The following LRRC37A variants were observed in gnomAD, a reference collection of about 807,000 sequenced individuals.
The protein encoded by LRRC37A is leucine-rich repeat-containing protein 37A.
LRRC37A carries 3 observed loss-of-function variants against 35.4 expected under a neutral mutation model. That is an observed-to-expected ratio of 0.08 (90% confidence interval 0.04 to 0.22). The LOEUF is 0.22. Ranked by LOEUF, LRRC37A falls within the 10% of genes least tolerant of loss-of-function variation. The pLI, the probability that LRRC37A is intolerant of heterozygous loss-of-function variation, is 1.00. For synonymous variants in LRRC37A, 23 were observed against 215.0 expected (o/e 0.11, Z 7.81); for missense variants, 67 against 565.3 (o/e 0.12, Z 8.94).
At chr17:46,260,104 C>T in the LRRC37A span, 17 of 1,569,122 alleles carry the variant, frequency 1.1e-5, no homozygotes, top group African/African-American at 1.4e-5. Flanking sequence ...GGGCAGCAGC[C>T]GCGCCTCCTG....
At chr17:46,262,940 T>C in the LRRC37A span, among the ~76,000 whole-genome samples, 1 of 152,114 alleles carries the variant, frequency 6.6e-6, no homozygotes, top group Non-Finnish European at 1.5e-5. Context: ...AATCCGGGTG[T>C]GGTAGTTTAT....
chr17:46,290,222 TG>T (rs113784248), upstream of LRRC37A, among the ~76,000 whole-genome samples: 19,878 of 151,400 alleles, frequency 0.13, 390 homozygotes, highest in Non-Finnish European at 0.2. Context: ...GTCGACCTCC[TG>T]GGGTCAAGCA....
the LRRC37A span, among the ~76,000 whole-genome samples, chr17:46,257,462 A>C: frequency 6.8e-6 from 1 of 146,790 alleles, no homozygotes; most frequent in Non-Finnish European, 1.5e-5. Context: ...CAAAAAAAAA[A>C]AAAAAAAAAA....
the LRRC37A span, among the ~76,000 whole-genome samples, chr17:46,282,049 C>T: frequency 6.6e-6 from 1 of 152,132 alleles, no homozygotes; most frequent in South Asian, 2.1e-4. Flanking sequence ...AATTCCTTTG[C>T]TGAGAATAAA....
At chr17:46,267,430 A>G in the LRRC37A span, 4 of 1,612,824 alleles carry the variant, frequency 2.5e-6, no homozygotes, top group Non-Finnish European at 3.4e-6. Flanking sequence ...CCTGTACCTC[A>G]CTCACCCCCG....
chr17:46,249,803 G>A, the LRRC37A span, among the ~76,000 whole-genome samples: 231 of 152,252 alleles, frequency 1.5e-3, no homozygotes, highest in African/African-American at 5.4e-3. Context: ...TGCAGTCAGC[G>A]CCTCTGATTG....
chr17:46,311,136 C>CA (rs61366411), intron 5 of LRRC37A: 51,920 of 178,478 alleles, frequency 0.29, 4,092 homozygotes, highest in African/African-American at 0.38. Context: ...GACTTCATCT[C>CA]AAAAAAAAAA....
the LRRC37A span, among the ~76,000 whole-genome samples, chr17:46,253,079 T>C: frequency 3.7e-5 from 5 of 136,960 alleles, 1 homozygote; most frequent in Admixed American, 1.5e-4. Flanking sequence ...GACAGGGCGG[T>C]TGCCGGGCGG....
the LRRC37A span, among the ~76,000 whole-genome samples, chr17:46,259,034 T>TTTA: frequency 8.3e-6 from 1 of 121,008 alleles, no homozygotes; most frequent in Non-Finnish European, 1.6e-5. Context: ...TTTTTTTTTT[T>TTTA]TTTTTTTTTT....
At chr17:46,269,364 T>C in the LRRC37A span, among the ~76,000 whole-genome samples, 42 of 152,286 alleles carry the variant, frequency 2.8e-4, no homozygotes, top group African/African-American at 9.9e-4. Flanking sequence ...AAAAACCCTG[T>C]CTCTACTAAA....
At chr17:46,262,783 C>A in the LRRC37A span, among the ~76,000 whole-genome samples, 2 of 137,016 alleles carry the variant, frequency 1.5e-5, no homozygotes, top group Non-Finnish European at 3.1e-5. Flanking sequence ...AAAACTCGGT[C>A]TTGGAAAAAA....
the LRRC37A span, among the ~76,000 whole-genome samples, chr17:46,286,681 G>GT: frequency 6.6e-6 from 1 of 152,250 alleles, no homozygotes; most frequent in Non-Finnish European, 1.5e-5. Flanking sequence ...AATTTGTAAT[G>GT]TAAGTGTATA....
the LRRC37A span, among the ~76,000 whole-genome samples, chr17:46,265,338 T>C: frequency 6.0e-5 from 7 of 117,288 alleles, no homozygotes; most frequent in Admixed American, 2.5e-4. Context: ...TTTTCTCCTC[T>C]TCTTCTTCTT....
chr17:46,258,687 C>T, the LRRC37A span, among the ~76,000 whole-genome samples: 7 of 146,916 alleles, frequency 4.8e-5, no homozygotes, highest in East Asian at 2.0e-4. Flanking sequence ...GCAACCTGGA[C>T]AGGATTGGAG....
the LRRC37A span, chr17:46,267,310 T>G: frequency 1.1e-5 from 15 of 1,402,974 alleles, no homozygotes; most frequent in Admixed American, 1.8e-4. Context: ...CCCAAACTGT[T>G]TTTTGGAAGC....
chr17:46,282,412 TGTTTG>T, the LRRC37A span, among the ~76,000 whole-genome samples: 2 of 147,044 alleles, frequency 1.4e-5, no homozygotes, highest in South Asian at 2.1e-4. Context: ...CTCAGTTTTT[TGTTTG>T]TTTTTTTTTT....
chr17:46,260,091 G>C, the LRRC37A span: 9 of 1,587,992 alleles, frequency 5.7e-6, no homozygotes, highest in Non-Finnish European at 7.7e-6. Flanking sequence ...CAGGTCCGGG[G>C]CTGGGCAGCA....
intron 5 of LRRC37A, among the ~76,000 whole-genome samples, chr17:46,317,163 G>T (rs1252376387): frequency 2.3e-5 from 2 of 87,864 alleles, no homozygotes; most frequent in Admixed American, 1.2e-4. Context: ...GGGCAGAGGC[G>T]CTCCTCACAT....
the LRRC37A span, chr17:46,275,181 C>A: frequency 3.2e-6 from 1 of 313,122 alleles, no homozygotes; most frequent in Non-Finnish European, 5.6e-6. Flanking sequence ...CGTGAGCCAC[C>A]GCACCTGGCA....
Sources: gnomAD v4.1 joint callset for allele counts (sites outside exome capture counted in the v4.1 genomes callset) on GRCh38, gnomAD v4.1.1 for gene constraint, MANE v1.5 for transcripts, NCBI Gene and HGNC (gene_info 2026-07-23, HGNC 2026-07-21) for gene names.